PAK2: variants seen among roughly 807,000 people sequenced by gnomAD.
The protein encoded by PAK2 is serine/threonine-protein kinase PAK 2.
A neutral mutation model predicts 65.9 loss-of-function variants in PAK2; 21 were observed. The observed-to-expected ratio is 0.32, with a 90% CI of 0.23 to 0.46. The LOEUF (loss-of-function observed/expected upper bound fraction) is 0.46, where lower values mean the gene tolerates loss of function less well. Ranked by LOEUF, PAK2 falls within the 20% of genes least tolerant of loss-of-function variation. PAK2 has a pLI of 1.00. For missense variants in PAK2, 324 were observed against 642.6 expected, an observed-to-expected ratio of 0.50 and a Z score of 5.36; for synonymous variants, 204 against 219.7, an observed-to-expected ratio of 0.93 and a Z score of 0.63.
chr3:196,817,966 TG>T, intron 11 of PAK2, 90 bp from the exon 12 acceptor site: 2 of 553,758 alleles, frequency 3.6e-6, no homozygotes, highest in East Asian at 2.9e-5. Context: ...TGCTGGGCAC[TG>T]GAAGCAATGC....
chr3:196,804,463 G>T (rs935428514), intron 4 of PAK2, among the ~76,000 whole-genome samples: 3 of 132,098 alleles, frequency 2.3e-5, no homozygotes, highest in African/African-American at 6.9e-5. Context: ...ACGCGCGTGC[G>T]TGTGTGTGTT....
At chr3:196,818,227 C>G in intron 12 of PAK2, 71 bp downstream of exon 12, 1 of 679,614 alleles carries the variant, frequency 1.5e-6, no homozygotes, top group South Asian at 1.7e-5. Flanking sequence ...AAAAACTTTT[C>G]TTGACCAATG....
In PAK2 at chr3:196,782,692, G is replaced by C; in HGVS notation, c.46G>C (p.Val16Leu). 1.9e-6 allele frequency: 3 copies of C among 1,611,952 alleles called. No individual in the cohort carries two copies. The South Asian group carries it at 3.3e-5, about 18-fold the overall frequency. ...GGAAGATAAGCCTCCAGCACCTCCT[G>C]TGCGAATGAGCAGCACCATCTTTAG... ...ELEDKPPAPP[V>L]RMSSTIFSTG... is the part of the protein sequence containing the mutation. The change falls in exon 2 of 15, where the codon GTG becomes CTG. Residue 16 changes from valine (V) to leucine (L), a missense_variant. Val to Leu is a conservative substitution (Grantham distance 32). This residue lies in a region of PAK2 where 42 missense variants were observed against 67.4 expected (regional missense o/e 0.62). Coordinates refer to ENST00000327134, the MANE Select transcript of PAK2 (RefSeq NM_002577.4).
rs941363702 is a variant in PAK2 at position 196,751,904 on chromosome 3, A to G, written c.-22+11747A>G. On this transcript the variant is annotated intron_variant, in intron 1 of 14. Coordinates refer to ENST00000327134, the MANE Select transcript of PAK2 (RefSeq NM_002577.4). Reference sequence around the variant, plus strand: ...ATTACAGGCGCATGCCACCACTCTCAGCTAATTTTTGTATTTTGAGTAGAG... The same window carrying G: ...ATTACAGGCGCATGCCACCACTCTCGGCTAATTTTTGTATTTTGAGTAGAG... Among the ~76,000 whole-genome samples the G allele has an allele frequency of 3.3e-5, 5 of 150,650 alleles. No individual in the cohort carries two copies. In the South Asian group the frequency reaches 1.0e-3, roughly 32 times the overall value.
chr3:196,820,314 C>T lies in PAK2; in HGVS notation c.1154-57C>T. The T allele has an allele frequency of 1.0e-5, 10 of 977,348 alleles. No individual in the cohort carries two copies. The highest frequency in any genetic ancestry group is 2.4e-4 in the Middle Eastern group (1 of 4,206). The allele number at this position is 977,348 out of a possible 1,614,324, so 60.5% of individuals were successfully genotyped here. ...AATTAATTACATAATCTGAAGTGAA[C>T]TCTTCTGCTAAAACCATCCATGGAA... On this transcript the variant is annotated intron_variant, in intron 12 of 14. Coordinates refer to ENST00000327134, the MANE Select transcript of PAK2 (RefSeq NM_002577.4). This position sits in a 1 kb window ranked among gnomAD's most constrained non-coding sequence, Gnocchi z 4.6.
At chr3:196,787,573 C>T (rs1258557182) in intron 2 of PAK2, among the ~76,000 whole-genome samples, 4 of 131,982 alleles carry the variant, frequency 3.0e-5, no homozygotes, top group African/African-American at 8.9e-5. Context: ...AGCGAGACTC[C>T]GTCTCAGAAA....
At chr3:196,819,941 A>G (rs370943900) in intron 12 of PAK2, among the ~76,000 whole-genome samples, 3 of 152,306 alleles carry the variant, frequency 2.0e-5, no homozygotes, top group East Asian at 3.9e-4. Flanking sequence ...CCAGGAGTTC[A>G]AGACCAGCCT....
rs1199664089 is a variant in PAK2 at position 196,831,463 on chromosome 3, C to CA, written c.*3059dup. ...AAACGAGTAATTGTGAAGCATAAGA[C>CA]ACTGAGGCTAATACAACTCTGTCTT... On this transcript the variant is annotated 3_prime_UTR_variant, in exon 15 of 15. Coordinates refer to ENST00000327134, the MANE Select transcript of PAK2 (RefSeq NM_002577.4). 1 of 152,088 alleles carries CA rather than the reference C, an allele frequency of 6.6e-6. No homozygotes were observed. Among genetic ancestry groups the CA allele is most frequent in the Admixed American group, 6.6e-5 (1 of 15,256 alleles). The allele number at this position is 152,088 out of a possible 1,614,324, so 9.4% of individuals were successfully genotyped here.
At chr3:196,766,977 T>TGTGTGTGTGTGTGTGTGTGTGTG (rs1553802066) in intron 1 of PAK2, among the ~76,000 whole-genome samples, 1 of 150,752 alleles carries the variant, frequency 6.6e-6, no homozygotes, top group Non-Finnish European at 1.5e-5. Flanking sequence ...TGTGTGTGTA[T>TGTGTGTGTGTGTGTGTGTGTGTG]TGATACACCT....
At chr3:196,823,383 C>T (rs928355370) in intron 13 of PAK2, among the ~76,000 whole-genome samples, 2 of 152,070 alleles carry the variant, frequency 1.3e-5, no homozygotes, top group Non-Finnish European at 2.9e-5. Context: ...AGAAGAGGCT[C>T]GCCTCCAGTG....
intron 3 of PAK2, among the ~76,000 whole-genome samples, 169 bp downstream of exon 3, chr3:196,802,196 C>T (rs995487463): frequency 1.3e-5 from 2 of 151,572 alleles, no homozygotes; most frequent in African/African-American, 2.4e-5. Context: ...GTCAGGAGTT[C>T]GAGACCAGTG....
chr3:196,740,294 G>C (rs1452013639), intron 1 of PAK2, 137 bp downstream of exon 1: 2 of 152,244 alleles, frequency 1.3e-5, no homozygotes, highest in Non-Finnish European at 2.9e-5. Flanking sequence ...CGCCACCTGC[G>C]TGCTGGGAGC....
intron 10 of PAK2, 43 bp downstream of exon 10, chr3:196,812,894 A>G: frequency 1.1e-6 from 1 of 878,770 alleles, no homozygotes; most frequent in East Asian, 2.5e-5. Context: ...AAATGTAGAA[A>G]TTTTAAGTCT....
rs1203910907 is a variant in PAK2, at chr3:196,762,387, T to C, written c.-21-20239T>C. Among the ~76,000 whole-genome samples, 28 of 143,776 alleles carry C rather than the reference T, an allele frequency of 1.9e-4. No individual in the cohort carries two copies. In the East Asian group the frequency reaches 3.8e-3, roughly 20 times the overall value. 94.3% of individuals were successfully genotyped at this position (143,776 alleles called of 152,430 possible). The stretch of plus-strand genomic sequence containing the variant: ...TTGTAGTGAGCCGAGATCACGCCAC[T>C]GCACTCCAGCCTGGGCACCATTGAG... On this transcript the variant is annotated intron_variant, in intron 1 of 14. Coordinates refer to ENST00000327134, the MANE Select transcript of PAK2 (RefSeq NM_002577.4).
At position 196,831,494 on chromosome 3, in the gene PAK2, G is replaced by A. The variant is rs1363896551; in HGVS notation, c.*3089G>A. The A allele has an allele frequency of 6.6e-6, 1 of 152,168 alleles. No individual in the cohort carries two copies. Among genetic ancestry groups the A allele is most frequent in the Non-Finnish European group, 1.5e-5 (1 of 68,040 alleles). The allele number at this position is 152,168 out of a possible 1,614,324, so 9.4% of individuals were successfully genotyped here. ...GGCTAATACAACTCTGTCTTCATGT[G>A]TTGACTGCCTGGCACATAGTATTCA... On this transcript the variant is annotated 3_prime_UTR_variant, in exon 15 of 15. Transcript: ENST00000327134.
intron 1 of PAK2, among the ~76,000 whole-genome samples, chr3:196,746,492 A>G (rs1713384634): frequency 6.6e-6 from 1 of 152,194 alleles, no homozygotes; most frequent in South Asian, 2.1e-4. Context: ...TTGAAAGGTT[A>G]GAGGAGAATC....
intron 7 of PAK2, 21 bp downstream of exon 7, chr3:196,807,935 A>T: frequency 6.3e-7 from 1 of 1,584,318 alleles, no homozygotes; most frequent in Non-Finnish European, 8.6e-7. Flanking sequence ...TACATTTTAC[A>T]TCATTGTTAA....
intron 2 of PAK2, among the ~76,000 whole-genome samples, chr3:196,801,433 C>G (rs1715419416): frequency 6.6e-6 from 1 of 152,176 alleles, no homozygotes; most frequent in African/African-American, 2.4e-5. Context: ...GTCTGCTTTA[C>G]TTCATTTACT....
At chr3:196,815,363 A>C (rs554307478) in intron 11 of PAK2, among the ~76,000 whole-genome samples, 3,763 of 151,346 alleles carry the variant, frequency 0.025, 172 homozygotes, top group African/African-American at 0.088. Context: ...ATGGTGGTGC[A>C]CGCCTGTAAT....
Sources: allele counts gnomAD v4.1 joint callset (sites outside exome capture counted in the v4.1 genomes callset), GRCh38; gene constraint gnomAD v4.1.1; regional missense constraint gnomAD v4.1.1; non-coding constraint Gnocchi (gnomAD v3.1); transcripts MANE v1.5; gene names NCBI Gene and HGNC (gene_info 2026-07-23, HGNC 2026-07-21).